PCDH9: variants seen among roughly 807,000 people sequenced by gnomAD.
PCDH9 encodes the protein protocadherin-9.
A neutral mutation model predicts 70.6 loss-of-function variants in PCDH9; 24 were observed. The ratio of observed to expected loss-of-function variants is 0.34; its 90% confidence interval spans 0.25 to 0.48. The LOEUF is 0.48. Ranked by LOEUF, PCDH9 falls within the 20% of genes least tolerant of loss-of-function variation. PCDH9 has a pLI of 0.99. For synonymous variants in PCDH9, 562 were observed against 558.5 expected (o/e 1.01, Z -0.09); for missense variants, 1,281 against 1,503.6 (o/e 0.85, Z 2.45).
At chr13:66,588,442 T>C (rs1261107661) in intron 4 of PCDH9, among the ~76,000 whole-genome samples, 2 of 151,994 alleles carry the variant, frequency 1.3e-5, no homozygotes, top group Non-Finnish European at 2.9e-5. Context: ...CCATCGGCTT[T>C]TTACTGTTAT....
At chr13:67,080,671 G>A (rs902147510) in intron 2 of PCDH9, among the ~76,000 whole-genome samples, 3 of 152,164 alleles carry the variant, frequency 2.0e-5, no homozygotes, top group African/African-American at 4.8e-5. Context: ...AACAATTTGC[G>A]ATTTCAGAAT....
chr13:66,420,422 G>A (rs1049332549), intron 4 of PCDH9, among the ~76,000 whole-genome samples: 4 of 152,200 alleles, frequency 2.6e-5, no homozygotes, highest in African/African-American at 9.6e-5. Flanking sequence ...ATACAGGAGA[G>A]CTCCAGCTGG....
At chr13:66,712,255 G>A (rs1268508410) in intron 3 of PCDH9, among the ~76,000 whole-genome samples, 1 of 151,996 alleles carries the variant, frequency 6.6e-6, no homozygotes, top group Non-Finnish European at 1.5e-5. Context: ...TTTATATGAT[G>A]TAATAGATTT....
At chr13:66,596,437 T>A (rs1329173604) in intron 4 of PCDH9, among the ~76,000 whole-genome samples, 1 of 151,726 alleles carries the variant, frequency 6.6e-6, no homozygotes, top group Admixed American at 6.6e-5. Flanking sequence ...TAAATGCATA[T>A]TCACACAAGT....
chr13:66,556,923 T>C (rs1004183866), intron 4 of PCDH9, among the ~76,000 whole-genome samples: 1 of 152,148 alleles, frequency 6.6e-6, no homozygotes, highest in Non-Finnish European at 1.5e-5. Flanking sequence ...AGCTATGTTA[T>C]ATTATTTAAA....
At chr13:66,867,935 A>T (rs2081605333) in intron 3 of PCDH9, among the ~76,000 whole-genome samples, 1 of 152,008 alleles carries the variant, frequency 6.6e-6, no homozygotes, top group South Asian at 2.1e-4. Context: ...ATTTCAATTA[A>T]TTTTATTCTG....
At chr13:66,354,096 G>T (rs980214975) in intron 4 of PCDH9, among the ~76,000 whole-genome samples, 7 of 151,990 alleles carry the variant, frequency 4.6e-5, no homozygotes, top group Admixed American at 6.6e-5. Context: ...CACTTTATTC[G>T]TAACCACATG....
rs192370448 is a variant in PCDH9, at chr13:66,622,929, C to G, written c.3340+8281G>C. Among the ~76,000 whole-genome samples the G allele has an allele frequency of 2.2e-3, 331 of 152,286 alleles. 1 individual carries two copies. Among genetic ancestry groups the G allele is most frequent in the Non-Finnish European group, 3.7e-3 (251 of 68,014 alleles). Reference sequence around the variant, plus strand: ...AAGGTCTGCAGCTTCACTCCTGAAGCCAGCGAGACCACGAACGCACCGGGA... The same window carrying G: ...AAGGTCTGCAGCTTCACTCCTGAAGGCAGCGAGACCACGAACGCACCGGGA... On this transcript the variant is annotated intron_variant, in intron 4 of 4. Transcript: ENST00000377865.
At chr13:67,203,040 T>G (rs888324154) in intron 2 of PCDH9, 4 of 152,152 alleles carry the variant, frequency 2.6e-5, no homozygotes, top group African/African-American at 9.7e-5. Flanking sequence ...AAGACCTTGA[T>G]GGTAGCAAAG....
chr13:66,372,228 A>T (rs1464102444), intron 4 of PCDH9, among the ~76,000 whole-genome samples: 1 of 152,000 alleles, frequency 6.6e-6, no homozygotes, highest in African/African-American at 2.4e-5. Flanking sequence ...TAACTAAAGT[A>T]CATGACAGAA....
At chr13:66,995,428 C>T (rs1309508080) in intron 2 of PCDH9, among the ~76,000 whole-genome samples, 1 of 152,110 alleles carries the variant, frequency 6.6e-6, no homozygotes, top group Non-Finnish European at 1.5e-5. Flanking sequence ...CAGTGAGAGA[C>T]TCTGCTTGAG....
intron 3 of PCDH9, among the ~76,000 whole-genome samples, chr13:66,805,994 T>A (rs536517579): frequency 1.3e-5 from 2 of 152,232 alleles, no homozygotes; most frequent in South Asian, 4.1e-4. Flanking sequence ...AATGTGACTC[T>A]AGCTGCAAAC....
At chr13:66,868,015 T>G (rs984116366) in intron 3 of PCDH9, among the ~76,000 whole-genome samples, 12 of 152,000 alleles carry the variant, frequency 7.9e-5, no homozygotes, top group African/African-American at 2.9e-4. Context: ...AAATGTATAT[T>G]ATTTAAATAA....
At chr13:66,773,459 T>A (rs1364080182) in intron 3 of PCDH9, among the ~76,000 whole-genome samples, 1 of 151,344 alleles carries the variant, frequency 6.6e-6, no homozygotes, top group Non-Finnish European at 1.5e-5. Context: ...AAACCCTGTG[T>A]CCACTAAAAA....
At chr13:66,536,080 C>T (rs1023607963) in intron 4 of PCDH9, among the ~76,000 whole-genome samples, 1 of 152,070 alleles carries the variant, frequency 6.6e-6, no homozygotes, top group Non-Finnish European at 1.5e-5. Flanking sequence ...CTCTTCCCCA[C>T]CACTTACAGG....
At position 66,319,229 on chromosome 13, in the gene PCDH9, G is replaced by A. The variant is rs375570478; in HGVS notation, c.3341-14201C>T. Among the ~76,000 whole-genome samples, 8 of 152,110 alleles carry A rather than the reference G, an allele frequency of 5.3e-5. No individual in the cohort carries two copies. The East Asian group carries it at 7.7e-4, about 15-fold the overall frequency. On this transcript the variant is annotated intron_variant, in intron 4 of 4. Transcript: ENST00000377865. Reference sequence around the variant, plus strand: ...TTGAAAACTCACTATCATGGCAATAGCGTGGGGAAAAGTGCCCCATGATCC... The same window carrying A: ...TTGAAAACTCACTATCATGGCAATAACGTGGGGAAAAGTGCCCCATGATCC...
intron 2 of PCDH9, among the ~76,000 whole-genome samples, chr13:67,120,475 C>T (rs1328467338): frequency 6.6e-6 from 1 of 152,072 alleles, no homozygotes; most frequent in African/African-American, 2.4e-5. Flanking sequence ...TTTACCTACC[C>T]AGCCCTTGCT....
rs533309386 is a variant in PCDH9, at chr13:66,644,232, TA to T, written c.3139-12822del. On this transcript the variant is annotated intron_variant, in intron 3 of 4. Transcript: ENST00000377865. ...AAGAAATATTTTATTATCTAGGGTA[TA>T]AAAAAACATGATAAGTTAACACTAA... Among the ~76,000 whole-genome samples, 182 of 151,878 alleles carry T rather than the reference TA, an allele frequency of 1.2e-3. 1 individual carries two copies. The highest frequency in any genetic ancestry group is 4.1e-3 in the African/African-American group (171 of 41,516).
intron 2 of PCDH9, among the ~76,000 whole-genome samples, chr13:67,160,090 C>T (rs1194284059): frequency 6.6e-6 from 1 of 152,162 alleles, no homozygotes; most frequent in Non-Finnish European, 1.5e-5. Flanking sequence ...ATTCTGACTC[C>T]TCTGAATTTT....
Sources: allele counts gnomAD v4.1 joint callset (sites outside exome capture counted in the v4.1 genomes callset), GRCh38; gene constraint gnomAD v4.1.1; transcripts MANE v1.5; gene names NCBI Gene and HGNC (gene_info 2026-07-23, HGNC 2026-07-21).